PPP2R2A: variants seen among roughly 807,000 people sequenced by gnomAD.
The protein encoded by PPP2R2A is serine/threonine-protein phosphatase 2A 55 kDa regulatory subunit B alpha isoform.
A neutral mutation model predicts 53.2 loss-of-function variants in PPP2R2A; 9 were observed. The observed-to-expected ratio is 0.17, with a 90% CI of 0.10 to 0.30. The LOEUF (loss-of-function observed/expected upper bound fraction) is 0.30. PPP2R2A is among the 10% of genes least tolerant of loss of function. PPP2R2A has a pLI of 1.00. For missense variants in PPP2R2A, 235 were observed against 534.6 expected (o/e 0.44, Z 5.53); for synonymous variants, 169 against 174.2 (o/e 0.97, Z 0.23).
intron 2 of PPP2R2A, among the ~76,000 whole-genome samples, chr8:26,304,624 A>G (rs1333393393): frequency 6.6e-6 from 1 of 152,142 alleles, no homozygotes; most frequent in African/African-American, 2.4e-5. Flanking sequence ...ACCACAAGGT[A>G]AGATTCTTAA....
chr8:26,293,337 C>CT (rs896175090), intron 1 of PPP2R2A: 1 of 1,410,790 alleles, frequency 7.1e-7, no homozygotes, highest in Non-Finnish European at 9.6e-7. Flanking sequence ...TAAGAAAACT[C>CT]TTTAACTCTT....
chr8:26,354,656 C>A lies in PPP2R2A; in HGVS notation c.346+23C>A. On this transcript the variant is annotated intron_variant, in intron 4 of 9. Transcript: ENST00000380737. The surrounding 1 kb of genome is among the most constrained non-coding windows in gnomAD (Gnocchi z 4.6). ...ATGGTAAGTATACATATTTTCTTTC[C>A]ATGTGCCCACTGTGTGTACCTGTTG... 1 of 1,549,020 alleles carries A rather than the reference C, an allele frequency of 6.5e-7. No homozygotes were observed. Among genetic ancestry groups the A allele is most frequent in the South Asian group, 1.3e-5 (1 of 79,438 alleles).
intron 2 of PPP2R2A, among the ~76,000 whole-genome samples, chr8:26,305,268 C>T (rs1801965215): frequency 6.6e-6 from 1 of 152,028 alleles, no homozygotes; most frequent in Non-Finnish European, 1.5e-5. Context: ...AATAATAGAC[C>T]ATTGTGTGTA....
intron 3 of PPP2R2A, among the ~76,000 whole-genome samples, chr8:26,343,819 AC>A (rs1804072649): frequency 1.3e-5 from 2 of 152,226 alleles, no homozygotes; most frequent in South Asian, 4.1e-4. Context: ...TGACAGAGTC[AC>A]AAGAATTGCT....
Position 26,362,737 on chromosome 8 carries a change from G to A in PPP2R2A, c.691G>A (p.Ala231Thr). Residue 231 changes from alanine to threonine, a missense_variant, in exon 7 of 10, where the codon GCA becomes ACA. Transcript: ENST00000380737. The surrounding 1 kb of genome is among the most constrained non-coding windows in gnomAD (Gnocchi z 4.4). The part of the protein sequence containing the change: ...NMEELTEVIT[A>T]AEFHPNSCNT... ...GGAAGAGCTAACAGAGGTGATTACA[G>A]CAGCAGAATTTCATCCAAACAGCTG... 1.2e-6 allele frequency: 2 copies of A among 1,614,036 alleles called. No individual in the cohort carries two copies. Among genetic ancestry groups the A allele is most frequent in the Non-Finnish European group, 1.7e-6 (2 of 1,179,936 alleles).
chr8:26,342,842 G>A (rs558021912), intron 3 of PPP2R2A, among the ~76,000 whole-genome samples: 13 of 152,216 alleles, frequency 8.5e-5, no homozygotes, highest in Non-Finnish European at 1.6e-4. Flanking sequence ...TTGTTAATAT[G>A]ATAGTATTAC....
intron 2 of PPP2R2A, among the ~76,000 whole-genome samples, chr8:26,322,757 G>T (rs1446349488): frequency 6.6e-6 from 1 of 152,184 alleles, no homozygotes. Context: ...TTAAGAGGAT[G>T]CCCTTCTTAA....
At chr8:26,307,465 T>C (rs1361186610) in intron 2 of PPP2R2A, among the ~76,000 whole-genome samples, 1 of 152,230 alleles carries the variant, frequency 6.6e-6, no homozygotes, top group African/African-American at 2.4e-5. Context: ...TGTTCTTAAG[T>C]GTTCAGTAAA....
chr8:26,308,919 G>A (rs1802148411), intron 2 of PPP2R2A, among the ~76,000 whole-genome samples: 1 of 152,038 alleles, frequency 6.6e-6, no homozygotes, highest in East Asian at 1.9e-4. Context: ...GCAGTGCAGT[G>A]GTGTGATCAT....
At chr8:26,349,510 G>C (rs552324920) in intron 3 of PPP2R2A, among the ~76,000 whole-genome samples, 88 of 152,290 alleles carry the variant, frequency 5.8e-4, no homozygotes, top group Middle Eastern at 3.4e-3. Context: ...CCAGAAGTGG[G>C]ATTGCTGGAT....
intron 3 of PPP2R2A, among the ~76,000 whole-genome samples, chr8:26,347,221 C>T (rs780921001): frequency 1.3e-5 from 2 of 149,672 alleles, no homozygotes; most frequent in Non-Finnish European, 3.0e-5. Context: ...TCTGAATCTT[C>T]TCTCAGAGAG....
chr8:26,330,307 C>CTTTTTTTTTTTT (rs11351968), intron 2 of PPP2R2A, among the ~76,000 whole-genome samples: 1 of 129,992 alleles, frequency 7.7e-6, no homozygotes, highest in African/African-American at 2.9e-5. Flanking sequence ...ATTCTTTTTT[C>CTTTTTTTTTTTT]TTTTTTTTTT....
intron 2 of PPP2R2A, among the ~76,000 whole-genome samples, chr8:26,320,291 T>C (rs934032257): frequency 6.6e-6 from 1 of 152,228 alleles, no homozygotes; most frequent in Non-Finnish European, 1.5e-5. Flanking sequence ...AAACTCTACA[T>C]GTTGTACTCC....
chr8:26,322,975 T>C (rs1057487266), intron 2 of PPP2R2A, among the ~76,000 whole-genome samples: 16 of 152,220 alleles, frequency 1.1e-4, no homozygotes, highest in African/African-American at 3.6e-4. Context: ...TTTAAGTACC[T>C]TTGGATGCAA....
intron 2 of PPP2R2A, among the ~76,000 whole-genome samples, chr8:26,319,009 T>A (rs1012578267): frequency 6.6e-6 from 1 of 152,180 alleles, no homozygotes; most frequent in Non-Finnish European, 1.5e-5. Context: ...ATTAAAACAT[T>A]AACTCCTCAT....
intron 4 of PPP2R2A, among the ~76,000 whole-genome samples, chr8:26,357,782 T>TTCTG (rs1804871900): frequency 6.6e-6 from 1 of 152,050 alleles, no homozygotes; most frequent in Non-Finnish European, 1.5e-5. Flanking sequence ...AACTCTGTTC[T>TTCTG]TCTGCAGTTT....
intron 9 of PPP2R2A, among the ~76,000 whole-genome samples, chr8:26,366,623 C>T (rs904999877): frequency 3.3e-5 from 5 of 152,066 alleles, no homozygotes; most frequent in African/African-American, 9.7e-5. Flanking sequence ...ATTTAAATGT[C>T]TAGAATTTTT....
At chr8:26,333,039 AAG>A (rs748351404) in intron 2 of PPP2R2A, among the ~76,000 whole-genome samples, 1 of 152,240 alleles carries the variant, frequency 6.6e-6, no homozygotes, top group Non-Finnish European at 1.5e-5. Context: ...TATAAAGATT[AAG>A]AGAGAATAAA....
intron 3 of PPP2R2A, among the ~76,000 whole-genome samples, chr8:26,347,082 T>A (rs1804255495): frequency 6.6e-6 from 1 of 152,192 alleles, no homozygotes. Flanking sequence ...AGAGAATAAA[T>A]TGTATTTAAC....
Sources: allele counts gnomAD v4.1 joint callset (sites outside exome capture counted in the v4.1 genomes callset), GRCh38; gene constraint gnomAD v4.1.1; non-coding constraint Gnocchi (gnomAD v3.1); transcripts MANE v1.5; gene names NCBI Gene and HGNC (gene_info 2026-07-23, HGNC 2026-07-21).